UGGT2: variants seen among roughly 807,000 people sequenced by gnomAD.
UGGT2 encodes UDP-glucose glycoprotein glucosyltransferase 2, also known as UDP-glucose:glycoprotein glucosyltransferase 2.
In UGGT2, 180 loss-of-function variants were observed where a neutral mutation model predicts 192.1. The observed-to-expected ratio is 0.94, with a 90% CI of 0.83 to 1.06. UGGT2 has a LOEUF of 1.06. Among genes scored for constraint, UGGT2 ranks in the 50% least tolerant of loss-of-function variants. The pLI is 0.00. For missense variants in UGGT2, 1,849 were observed against 1,795.7 expected, an observed-to-expected ratio of 1.03 and a Z score of -0.54; for synonymous variants, 580 against 591.0, an observed-to-expected ratio of 0.98 and a Z score of 0.27.
chr13:95,806,079 A>G (rs1445534404), intron 38 of UGGT2, among the ~76,000 whole-genome samples: 1 of 151,736 alleles, frequency 6.6e-6, no homozygotes, highest in Non-Finnish European at 1.5e-5. Context: ...AAAAAGTCCA[A>G]GGCTAAACAA....
At chr13:95,873,335 A>G (rs770743270) in intron 29 of UGGT2, among the ~76,000 whole-genome samples, 3 of 152,180 alleles carry the variant, frequency 2.0e-5, no homozygotes, top group Non-Finnish European at 4.4e-5. Context: ...CATTTTCTTG[A>G]CTATCTTTTC....
intron 2 of UGGT2, 117 bp downstream of exon 2, chr13:96,031,772 G>A (rs772230566): frequency 1.1e-5 from 7 of 665,164 alleles, no homozygotes; most frequent in East Asian, 3.0e-5. Context: ...TTTAATGTTC[G>A]GATTTACTAA....
At chr13:95,952,554 T>C (rs1032478697) in intron 12 of UGGT2, among the ~76,000 whole-genome samples, 3 of 152,222 alleles carry the variant, frequency 2.0e-5, no homozygotes, top group African/African-American at 4.8e-5. Flanking sequence ...TATTTTTTTA[T>C]TGTTTTTCTT....
At chr13:95,979,400 A>G (rs1024149748) in intron 10 of UGGT2, among the ~76,000 whole-genome samples, 2 of 152,146 alleles carry the variant, frequency 1.3e-5, no homozygotes, top group Non-Finnish European at 2.9e-5. Context: ...TAGAAGAATT[A>G]TGCCAATCCT....
intron 29 of UGGT2, among the ~76,000 whole-genome samples, chr13:95,876,617 T>C (rs780961330): frequency 6.6e-6 from 1 of 152,118 alleles, no homozygotes; most frequent in Non-Finnish European, 1.5e-5. Flanking sequence ...CCCAAGGGGG[T>C]ATCTCTCCAG....
intron 26 of UGGT2, among the ~76,000 whole-genome samples, chr13:95,886,496 G>A (rs1489059947): frequency 6.6e-6 from 1 of 152,090 alleles, no homozygotes; most frequent in East Asian, 1.9e-4. Context: ...CCCTACTCCT[G>A]TGAATAAAAA....
intron 29 of UGGT2, among the ~76,000 whole-genome samples, chr13:95,868,093 A>G (rs561375812): frequency 1.9e-4 from 29 of 152,302 alleles, no homozygotes; most frequent in Admixed American, 3.9e-4. Flanking sequence ...AATTTTGTTG[A>G]AGGGGAAGCA....
chr13:95,997,286 G>A (rs2051653749), intron 6 of UGGT2, among the ~76,000 whole-genome samples: 1 of 152,134 alleles, frequency 6.6e-6, no homozygotes, highest in African/African-American at 2.4e-5. Context: ...ATGGGATATA[G>A]AAAAGAGAAG....
At chr13:95,884,748 A>T in intron 26 of UGGT2, 68 bp from the exon 27 acceptor site, 3 of 1,420,576 alleles carry the variant, frequency 2.1e-6, no homozygotes, top group Non-Finnish European at 2.8e-6. Context: ...ATATTTTCAA[A>T]ATTGAAAATT....
At chr13:95,978,868 A>G (rs925966057) in intron 10 of UGGT2, among the ~76,000 whole-genome samples, 2 of 152,222 alleles carry the variant, frequency 1.3e-5, no homozygotes, top group African/African-American at 2.4e-5. Flanking sequence ...TGATGTTCTA[A>G]TATAGGTAAT....
In UGGT2 at chr13:95,844,330, G is replaced by C. The variant is rs150763782; in HGVS notation, c.4285-7128C>G. ...GAATCAACTTCATTAATTTGTACAAGAAAGTCTAATAAATATAGAAAAAAT... is the reference window on the plus strand; with the variant it reads ...GAATCAACTTCATTAATTTGTACAACAAAGTCTAATAAATATAGAAAAAAT... On this transcript the variant is annotated intron_variant, in intron 36 of 38. Transcript: ENST00000376747. 9.5e-3 allele frequency among the ~76,000 whole-genome samples: 1,444 copies of C among 152,218 alleles called. 25 individuals are homozygous for C. The highest frequency in any genetic ancestry group is 0.033 in the African/African-American group (1,376 of 41,524).
At chr13:96,047,137 G>A (rs531311562) in intron 1 of UGGT2, among the ~76,000 whole-genome samples, 11 of 152,302 alleles carry the variant, frequency 7.2e-5, no homozygotes, top group Admixed American at 5.2e-4. Context: ...CTCCCAGCAC[G>A]GAGTTTGAGA....
chr13:95,870,433 T>G (rs1034125575), intron 29 of UGGT2, among the ~76,000 whole-genome samples: 1 of 152,224 alleles, frequency 6.6e-6, no homozygotes, highest in Non-Finnish European at 1.5e-5. Flanking sequence ...CTGCCTAGCT[T>G]CTTTTGTCAA....
intron 13 of UGGT2, 60 bp from the exon 14 acceptor site, chr13:95,948,141 G>A (rs2049939174): frequency 2.3e-6 from 3 of 1,317,926 alleles, no homozygotes; most frequent in East Asian, 2.8e-5. Flanking sequence ...TGAAATTCAA[G>A]TTTAGACTAA....
chr13:95,943,343 T>C (rs1055857117), intron 15 of UGGT2, among the ~76,000 whole-genome samples: 1 of 152,182 alleles, frequency 6.6e-6, no homozygotes, highest in Admixed American at 6.5e-5. Flanking sequence ...GAGCTTTTCA[T>C]TCATTTAGGT....
intron 36 of UGGT2, among the ~76,000 whole-genome samples, chr13:95,843,641 C>T (rs552079419): frequency 3.3e-5 from 5 of 152,050 alleles, no homozygotes; most frequent in South Asian, 2.1e-4. Context: ...TTTTTACTTA[C>T]GGCATATTAG....
At chr13:95,842,743 T>C (rs1887999174) in intron 36 of UGGT2, among the ~76,000 whole-genome samples, 1 of 152,270 alleles carries the variant, frequency 6.6e-6, no homozygotes, top group South Asian at 2.1e-4. Flanking sequence ...TGCCAGAAAC[T>C]GATGACTGCC....
intron 31 of UGGT2, 52 bp downstream of exon 31, chr13:95,863,577 C>G (rs1221974491): frequency 1.4e-6 from 2 of 1,459,580 alleles, no homozygotes; most frequent in East Asian, 2.3e-5. Flanking sequence ...CTTCCACATA[C>G]TAGACTTCTG....
At chr13:95,934,149 A>C (rs1363924208) in intron 17 of UGGT2, among the ~76,000 whole-genome samples, 2 of 152,204 alleles carry the variant, frequency 1.3e-5, no homozygotes, top group Admixed American at 6.5e-5. Context: ...CAAGTTATTT[A>C]ATTTCCATGT....
Sources: allele counts gnomAD v4.1 joint callset (sites outside exome capture counted in the v4.1 genomes callset), GRCh38; gene constraint gnomAD v4.1.1; transcripts MANE v1.5; gene names NCBI Gene and HGNC (gene_info 2026-07-23, HGNC 2026-07-21).